SPAG16: variants seen among roughly 807,000 people sequenced by gnomAD.
SPAG16 encodes the protein sperm-associated antigen 16 protein.
SPAG16 carries 86 observed loss-of-function variants against 80.4 expected under a neutral mutation model. The ratio of observed to expected loss-of-function variants is 1.07; its 90% confidence interval spans 0.90 to 1.28. The LOEUF (loss-of-function observed/expected upper bound fraction) is 1.28, where lower values mean the gene tolerates loss of function less well. Ranked by LOEUF, SPAG16 falls within the 50% of genes most tolerant of loss-of-function variation. SPAG16 has a pLI of 0.00. For missense variants in SPAG16, 870 were observed against 765.3 expected, an observed-to-expected ratio of 1.14 and a Z score of -1.61; for synonymous variants, 294 against 265.9, an observed-to-expected ratio of 1.11 and a Z score of -1.03.
chr2:213,945,179 T>G (rs1480452689), intron 12 of SPAG16, among the ~76,000 whole-genome samples: 1 of 151,040 alleles, frequency 6.6e-6, no homozygotes, highest in Non-Finnish European at 1.5e-5. Flanking sequence ...TGTATATATA[T>G]GTATATATAT....
intron 13 of SPAG16, among the ~76,000 whole-genome samples, chr2:214,051,280 G>T (rs1028739553): frequency 1.3e-5 from 2 of 152,030 alleles, no homozygotes; most frequent in Non-Finnish European, 1.5e-5. Flanking sequence ...TATAGCAAAG[G>T]AATCACATCT....
At chr2:213,550,405 T>G (rs1257059767) in intron 10 of SPAG16, among the ~76,000 whole-genome samples, 2 of 152,086 alleles carry the variant, frequency 1.3e-5, no homozygotes, top group Non-Finnish European at 2.9e-5. Flanking sequence ...TCTCCTTATC[T>G]TAGGATTTTC....
chr2:213,300,638 C>A (rs1197424574), intron 3 of SPAG16, among the ~76,000 whole-genome samples: 1 of 152,024 alleles, frequency 6.6e-6, no homozygotes, highest in Non-Finnish European at 1.5e-5. Context: ...CTCATTAGTT[C>A]TTTTTCTGTT....
chr2:214,403,599 C>T (rs1433721921), intron 15 of SPAG16, among the ~76,000 whole-genome samples: 1 of 152,030 alleles, frequency 6.6e-6, no homozygotes, highest in Admixed American at 6.6e-5. Context: ...ATGGATATTA[C>T]ACGTATAACC....
intron 10 of SPAG16, among the ~76,000 whole-genome samples, chr2:213,574,670 T>TG (rs2060054808): frequency 6.7e-6 from 1 of 148,304 alleles, no homozygotes; most frequent in African/African-American, 2.5e-5. Context: ...ATATATGATA[T>TG]ATATATGATA....
At chr2:213,736,595 G>A (rs1024439032) in intron 10 of SPAG16, among the ~76,000 whole-genome samples, 1 of 152,044 alleles carries the variant, frequency 6.6e-6, no homozygotes, top group Non-Finnish European at 1.5e-5. Flanking sequence ...GACAACTGAA[G>A]TGTGTTTCAC....
At chr2:214,349,020 TG>T (rs1378337524) in intron 15 of SPAG16, among the ~76,000 whole-genome samples, 1 of 152,230 alleles carries the variant, frequency 6.6e-6, no homozygotes, top group African/African-American at 2.4e-5. Flanking sequence ...TTGCTTATCC[TG>T]AATAAATTCA....
At chr2:213,977,041 A>G (rs914489109) in intron 12 of SPAG16, among the ~76,000 whole-genome samples, 6 of 152,040 alleles carry the variant, frequency 3.9e-5, no homozygotes, top group African/African-American at 1.4e-4. Flanking sequence ...ATTGAATACC[A>G]TAGCATATAC....
intron 15 of SPAG16, chr2:214,239,504 C>T (rs777105058): frequency 1.3e-5 from 2 of 152,076 alleles, no homozygotes; most frequent in African/African-American, 2.4e-5. Flanking sequence ...CATTATTTTG[C>T]TTTTCTGTGA....
chr2:214,159,678 T>C (rs956122604), intron 15 of SPAG16, among the ~76,000 whole-genome samples: 3 of 151,978 alleles, frequency 2.0e-5, no homozygotes, highest in African/African-American at 7.2e-5. Flanking sequence ...TTCTCACTTG[T>C]TCTATAAGAG....
rs553343764 is a variant in SPAG16, at chr2:214,059,171, T to G, written c.1527+45094T>G. ...CAGCCTGGGTAACAGAGCAAGACTC[T>G]GTCTCTCTCTCTGTCTATATATATA... On this transcript the variant is annotated intron_variant, in intron 13 of 15. Transcript: ENST00000331683. Among the ~76,000 whole-genome samples, 4 of 140,646 alleles carry G rather than the reference T, an allele frequency of 2.8e-5. No individual in the cohort carries two copies. The South Asian group carries it at 9.3e-4, about 33-fold the overall frequency. 92.3% of individuals were successfully genotyped at this position (140,646 alleles called of 152,430 possible).
intron 10 of SPAG16, among the ~76,000 whole-genome samples, chr2:213,842,458 G>A (rs1416970384): frequency 6.6e-6 from 1 of 151,946 alleles, no homozygotes; most frequent in Non-Finnish European, 1.5e-5. Context: ...TCATATATAA[G>A]TAGTTGATTC....
intron 9 of SPAG16, among the ~76,000 whole-genome samples, chr2:213,470,350 G>A (rs1199576993): frequency 1.3e-5 from 2 of 152,152 alleles, no homozygotes; most frequent in Admixed American, 1.3e-4. Flanking sequence ...AATGCTGTGT[G>A]GAATAACATG....
intron 5 of SPAG16, among the ~76,000 whole-genome samples, chr2:213,325,495 T>C (rs1020704350): frequency 6.6e-5 from 10 of 152,116 alleles, no homozygotes; most frequent in Admixed American, 2.6e-4. Flanking sequence ...TTAATTTCTT[T>C]GGCACTTTTA....
At chr2:214,083,903 T>C (rs889242764) in intron 13 of SPAG16, among the ~76,000 whole-genome samples, 5 of 152,148 alleles carry the variant, frequency 3.3e-5, no homozygotes, top group African/African-American at 1.2e-4. Context: ...TATTATTGCA[T>C]CCTTTTTAAA....
chr2:213,372,960 G>A (rs1187368696), intron 8 of SPAG16, among the ~76,000 whole-genome samples: 1 of 152,148 alleles, frequency 6.6e-6, no homozygotes, highest in Non-Finnish European at 1.5e-5. Flanking sequence ...GTAAAATTTA[G>A]CACTGGAAGG....
intron 15 of SPAG16, among the ~76,000 whole-genome samples, chr2:214,259,319 A>T (rs1690946184): frequency 6.6e-6 from 1 of 151,338 alleles, no homozygotes; most frequent in Admixed American, 6.6e-5. Context: ...TTCCTGATTC[A>T]GTGGTCAGCC....
intron 7 of SPAG16, among the ~76,000 whole-genome samples, chr2:213,356,282 C>T (rs2065645695): frequency 6.6e-6 from 1 of 152,120 alleles, no homozygotes. Context: ...AGGGAGGATT[C>T]CCTCTTTCTC....
At chr2:213,510,321 T>A (rs1478424321) in intron 10 of SPAG16, among the ~76,000 whole-genome samples, 6 of 152,296 alleles carry the variant, frequency 3.9e-5, no homozygotes, top group Non-Finnish European at 8.8e-5. Flanking sequence ...TATAAGTACT[T>A]GGATAGATTG....
Sources: allele counts gnomAD v4.1 joint callset (sites outside exome capture counted in the v4.1 genomes callset), GRCh38; gene constraint gnomAD v4.1.1; transcripts MANE v1.5; gene names NCBI Gene and HGNC (gene_info 2026-07-23, HGNC 2026-07-21).